BICC1: variants seen among roughly 807,000 people sequenced by gnomAD.
The protein encoded by BICC1 is BicC family RNA binding protein 1.
Under a neutral mutation model 111.0 loss-of-function variants are expected in BICC1, and 43 were observed. That is an observed-to-expected ratio of 0.39 (90% CI 0.30 to 0.50). BICC1 has a LOEUF of 0.50. Ranked by LOEUF, BICC1 falls within the 20% of genes least tolerant of loss-of-function variation. The pLI is 0.88. For synonymous variants in BICC1, 467 were observed against 434.4 expected (o/e 1.07, Z -0.93); for missense variants, 1,091 against 1,203.2 (o/e 0.91, Z 1.38).
intron 3 of BICC1, among the ~76,000 whole-genome samples, chr10:58,722,908 C>T (rs183276536): frequency 1.5e-4 from 23 of 152,250 alleles, no homozygotes; most frequent in African/African-American, 2.4e-4. Flanking sequence ...TAACCTGGAG[C>T]GACCCCTTGC....
At chr10:58,701,634 G>GA (rs1170876349) in intron 2 of BICC1, among the ~76,000 whole-genome samples, 2 of 151,936 alleles carry the variant, frequency 1.3e-5, no homozygotes, top group East Asian at 1.9e-4. Flanking sequence ...TTCCCCCAGG[G>GA]AAAAAAATCT....
At chr10:58,810,502 A>G (rs1398839532) in intron 17 of BICC1, among the ~76,000 whole-genome samples, 4 of 151,404 alleles carry the variant, frequency 2.6e-5, no homozygotes, top group Non-Finnish European at 4.4e-5. Context: ...TCTCCCTGGT[A>G]TATAAGTTAG....
chr10:58,828,708 G>A, intron 20 of BICC1, 53 bp from the exon 21 acceptor site: 1 of 1,582,096 alleles, frequency 6.3e-7, no homozygotes, highest in Admixed American at 1.7e-5. Context: ...ATGTCCTGTA[G>A]TATACATAGA....
rs1385208070 is a variant in BICC1, at chr10:58,829,533, G to A, written c.*642G>A. On this transcript the variant is annotated 3_prime_UTR_variant, in exon 21 of 21. Transcript: ENST00000373886. ...GAAATGGTACTGGATCTTAGTTTCT[G>A]TGCAGAATATTCTGTGATTTTGGGA... 6.6e-6 allele frequency: 1 copy of A among 152,048 alleles called. No homozygotes were observed. Among genetic ancestry groups the A allele is most frequent in the African/African-American group, 2.4e-5 (1 of 41,408 alleles). 9.4% of individuals were successfully genotyped at this position (152,048 alleles called of 1,614,324 possible).
chr10:58,692,866 T>G (rs1589028841), intron 2 of BICC1, among the ~76,000 whole-genome samples: 1 of 152,016 alleles, frequency 6.6e-6, no homozygotes, highest in South Asian at 2.1e-4. Flanking sequence ...TTTTTAAATT[T>G]TATTATTATT....
intron 2 of BICC1, among the ~76,000 whole-genome samples, chr10:58,700,358 T>C (rs1479993540): frequency 6.6e-6 from 1 of 151,804 alleles, no homozygotes; most frequent in Admixed American, 6.6e-5. Flanking sequence ...GGGCATGTTT[T>C]TGGGGTGGCA....
At chr10:58,718,883 G>A (rs1323078974) in intron 3 of BICC1, among the ~76,000 whole-genome samples, 1 of 152,124 alleles carries the variant, frequency 6.6e-6, no homozygotes, top group Non-Finnish European at 1.5e-5. Context: ...TTGAATTTCT[G>A]AGTTTTCTTG....
At chr10:58,828,480 A>G (rs1347775955) in intron 20 of BICC1, among the ~76,000 whole-genome samples, 8 of 152,194 alleles carry the variant, frequency 5.3e-5, no homozygotes, top group Non-Finnish European at 1.0e-4. Flanking sequence ...ACAGTTTACA[A>G]ACTATAATAG....
intron 3 of BICC1, among the ~76,000 whole-genome samples, chr10:58,747,884 A>G (rs987675194): frequency 1.3e-5 from 2 of 152,182 alleles, no homozygotes; most frequent in Non-Finnish European, 2.9e-5. Flanking sequence ...TTATTGGAAT[A>G]CAGCCTCATC....
chr10:58,520,244 TATTTA>T (rs1405206259), intron 1 of BICC1, among the ~76,000 whole-genome samples: 1 of 152,208 alleles, frequency 6.6e-6, no homozygotes, highest in African/African-American at 2.4e-5. Flanking sequence ...TTATATGAAA[TATTTA>T]ATAAACTACC....
chr10:58,819,401 C>G (rs1000403025), intron 19 of BICC1, among the ~76,000 whole-genome samples: 2 of 152,014 alleles, frequency 1.3e-5, no homozygotes, highest in African/African-American at 4.8e-5. Context: ...AAAGTTTTAC[C>G]TGTTTATGGC....
intron 2 of BICC1, among the ~76,000 whole-genome samples, chr10:58,643,159 C>G (rs575727929): frequency 5.4e-4 from 82 of 152,314 alleles, no homozygotes; most frequent in African/African-American, 2.0e-3. Flanking sequence ...AGCTTAAAAA[C>G]TGGGGAATTG....
At chr10:58,559,710 C>T (rs902253933) in intron 1 of BICC1, among the ~76,000 whole-genome samples, 1 of 151,918 alleles carries the variant, frequency 6.6e-6, no homozygotes, top group Admixed American at 6.6e-5. Context: ...TTCAGTATGG[C>T]GTCAGCTATG....
At chr10:58,606,485 C>T (rs543968910) in intron 1 of BICC1, among the ~76,000 whole-genome samples, 127 of 151,978 alleles carry the variant, frequency 8.4e-4, no homozygotes, top group African/African-American at 2.7e-3. Flanking sequence ...GTGGGTGCAG[C>T]GCACCAGCAT....
At chr10:58,598,196 C>G (rs1844893815) in intron 1 of BICC1, among the ~76,000 whole-genome samples, 1 of 152,128 alleles carries the variant, frequency 6.6e-6, no homozygotes, top group Non-Finnish European at 1.5e-5. Flanking sequence ...GCCTGCATAG[C>G]CAAGACAGTC....
chr10:58,610,614 CTT>C lies in BICC1; in HGVS notation c.191-10230_191-10229del, dbSNP rs58742721. ...ATTGCCATGGATAATCTATCTAGCT[CTT>C]TTTTTTTTTTATTCTGAGCCATAGA... On this transcript the variant is annotated intron_variant, in intron 1 of 20. Transcript: ENST00000373886. Among the ~76,000 whole-genome samples the C allele has an allele frequency of 4.9e-4, 72 of 146,088 alleles. No homozygotes were observed. In the Middle Eastern group the frequency reaches 0.014, roughly 29 times the overall value.
At chr10:58,620,411 G>A (rs1845764183) in intron 1 of BICC1, among the ~76,000 whole-genome samples, 1 of 152,058 alleles carries the variant, frequency 6.6e-6, no homozygotes, top group Admixed American at 6.5e-5. Context: ...TGAAATTCAA[G>A]TAGATTATAT....
At position 58,801,035 on chromosome 10, in the gene BICC1, C is replaced by G; in HGVS notation, c.2004C>G (p.Asn668Lys). Residue 668 changes from asparagine to lysine, a missense_variant, in exon 14 of 21, where the codon AAC (asparagine) becomes AAG (lysine). Asn to Lys is a moderately conservative substitution (Grantham distance 94, BLOSUM62 0). Transcript: ENST00000373886. ...TGGAACTATTGCAAGGCACGAAAAA[C>G]TCACACTTACAGTATGTATTTTAAT... is the stretch of plus-strand genomic sequence containing the variant. ...QTVELLQGTK[N>K]SHLHSTDRLL... 6.2e-7 allele frequency: 1 copy of G among 1,605,960 alleles called. No individual in the cohort carries two copies. The highest frequency in any genetic ancestry group is 8.5e-7 in the Non-Finnish European group (1 of 1,177,050).
intron 1 of BICC1, among the ~76,000 whole-genome samples, chr10:58,525,910 C>A (rs1027560284): frequency 6.6e-6 from 1 of 150,850 alleles, no homozygotes; most frequent in Non-Finnish European, 1.5e-5. Flanking sequence ...TTTCAGAATT[C>A]TGTGGTTGAA....
Sources: allele counts gnomAD v4.1 joint callset (sites outside exome capture counted in the v4.1 genomes callset), GRCh38; gene constraint gnomAD v4.1.1; transcripts MANE v1.5; gene names NCBI Gene and HGNC (gene_info 2026-07-23, HGNC 2026-07-21).